SLX4: variants seen among roughly 807,000 people sequenced by gnomAD.
The protein encoded by SLX4 is structure-specific endonuclease subunit SLX4.
Under a neutral mutation model 146.2 loss-of-function variants are expected in SLX4, and 112 were observed. That is an observed-to-expected ratio of 0.77 (90% CI 0.66 to 0.90). SLX4 has a LOEUF of 0.90. Among genes scored for constraint, SLX4 ranks in the 40% least tolerant of loss-of-function variants. The pLI, the probability that SLX4 is intolerant of heterozygous loss-of-function variation, is 0.00. For synonymous variants in SLX4, 1,061 were observed against 997.7 expected (o/e 1.06, Z -1.20); for missense variants, 2,563 against 2,392.7 (o/e 1.07, Z -1.49).
intron 14 of SLX4, 143 bp downstream of exon 14, chr16:3,582,954 C>G: frequency 9.0e-7 from 1 of 1,112,336 alleles, no homozygotes; most frequent in African/African-American, 1.5e-5. Context: ...CCCCCTAAAC[C>G]CACCTGGTTT....
chr16:3,594,403 G>A lies in SLX4; in HGVS notation c.2160+50C>T, dbSNP rs75762935. The A allele has an allele frequency of 0.063, 99,310 of 1,581,086 alleles. 3,330 individuals carry two copies. Among genetic ancestry groups the A allele is most frequent in the Admixed American group, 0.068 (3,717 of 54,612 alleles). On this transcript the variant is annotated intron_variant, in intron 10 of 14. Coordinates refer to ENST00000294008, the MANE Select transcript of SLX4 (RefSeq NM_032444.4). Reference sequence around the variant, plus strand: ...AGACCTGGTTGGAGAAAGGCAGGAGGAGAGAGGGAGAGAGAGGAAAGGAGG... The same window carrying A: ...AGACCTGGTTGGAGAAAGGCAGGAGAAGAGAGGGAGAGAGAGGAAAGGAGG...
chr16:3,603,630 C>T (rs781521798), intron 3 of SLX4, among the ~76,000 whole-genome samples: 5 of 152,196 alleles, frequency 3.3e-5, no homozygotes, highest in African/African-American at 4.8e-5. Flanking sequence ...GTAGGTCTGC[C>T]GATAATGGTT....
chr16:3,610,035 C>T (rs1388572628), intron 1 of SLX4, among the ~76,000 whole-genome samples: 1 of 152,170 alleles, frequency 6.6e-6, no homozygotes, highest in African/African-American at 2.4e-5. Context: ...TCTTCTCAAC[C>T]CAGCAAGGCT....
rs2040822770 is a variant in SLX4, at chr16:3,609,281, G to A, written c.-317C>T. The A allele has an allele frequency of 3.1e-6, 1 of 323,012 alleles. No individual in the cohort carries two copies. The allele number at this position is 323,012 out of a possible 1,614,324, so 20.0% of individuals were successfully genotyped here. A position where few individuals can be genotyped will look rare whatever the true frequency, so the allele number is the denominator to read the frequency against. ...AAATTGGCCAGGCGTGGTAGCAGAT[G>A]CCTGTAATCCCAGCTACTCGGGAGG... On this transcript the variant is annotated 5_prime_UTR_variant, in exon 2 of 15. Transcript: ENST00000294008.
intron 5 of SLX4, among the ~76,000 whole-genome samples, chr16:3,599,606 A>G (rs548278924): frequency 6.6e-6 from 1 of 152,250 alleles, no homozygotes; most frequent in Admixed American, 6.5e-5. Context: ...TGTTTTATGA[A>G]GACAGGTTCT....
intron 5 of SLX4, among the ~76,000 whole-genome samples, chr16:3,599,152 T>G (rs991571701): frequency 6.6e-6 from 1 of 152,214 alleles, no homozygotes. Context: ...ACGTCTATTC[T>G]AAGGCCTCAA....
At position 3,590,016 on chromosome 16, in the gene SLX4, G is replaced by C. The variant is rs752941190; in HGVS notation, c.3622C>G (p.Pro1208Ala). 49 of 1,614,014 alleles carry C rather than the reference G, an allele frequency of 3.0e-5. No individual in the cohort carries two copies. The highest frequency in any genetic ancestry group is 4.0e-5 in the African/African-American group (3 of 74,920). ...TGCTGCAGCACAGCTTCGCTTCTTG[G>C]TGGGCTCTGGGAAGGTTCCTGATCT... ...DADQEPSQSP[P>A]RSEAVLQQED... Residue 1208 changes from proline (P) to alanine (A), a missense_variant, in exon 12 of 15, where the codon CCA (proline) becomes GCA (alanine). Coordinates refer to ENST00000294008, the MANE Select transcript of SLX4 (RefSeq NM_032444.4). This position sits in a 1 kb window ranked among gnomAD's most constrained non-coding sequence, Gnocchi z 4.8.
intron 3 of SLX4, among the ~76,000 whole-genome samples, chr16:3,604,954 C>G (rs1214983204): frequency 7.3e-6 from 1 of 137,426 alleles, no homozygotes; most frequent in African/African-American, 2.8e-5. Context: ...GAGACAGGGT[C>G]TCACTCTGTT....
Position 3,597,944 on chromosome 16 carries a change from G to T in SLX4, c.1219C>A (p.Pro407Thr). The T allele has an allele frequency of 1.2e-6, 2 of 1,614,166 alleles. No individual in the cohort carries two copies. The highest frequency in any genetic ancestry group is 1.7e-6 in the Non-Finnish European group (2 of 1,180,038). The change falls in exon 6 of 15, where the codon CCA becomes ACA. Residue 407 changes from proline to threonine, a missense_variant. Transcript: ENST00000294008. The surrounding 1 kb of genome is among the most constrained non-coding windows in gnomAD (Gnocchi z 4.4). The stretch of plus-strand genomic sequence containing the variant: ...TCGTCCACCTTCCGCCTCTTCCGTG[G>T]CTCCTTCTTGCTGGTGGGTCCTCTC... ...KRRGPTSKKE[P>T]RKRRKVDEAP...
At chr16:3,593,192 C>A (rs1287239336) in intron 10 of SLX4, among the ~76,000 whole-genome samples, 1 of 152,160 alleles carries the variant, frequency 6.6e-6, no homozygotes, top group Non-Finnish European at 1.5e-5. Context: ...CTGCCTCAGC[C>A]TCCCGAGTAG....
chr16:3,608,771 T>C lies in SLX4; in HGVS notation c.194A>G (p.His65Arg), dbSNP rs1003415542. 4 of 1,614,192 alleles carry C rather than the reference T, an allele frequency of 2.5e-6. No homozygotes were observed. The highest frequency in any genetic ancestry group is 3.4e-6 in the Non-Finnish European group (4 of 1,180,044). Residue 65 changes from histidine (H) to arginine (R), a missense_variant, in exon 2 of 15, where the codon CAT becomes CGT. By Grantham distance (29) the His-to-Arg change is conservative. Transcript: ENST00000294008. ...CASFFQRVKKHGIKEVSGERK... is the reference protein window; with the variant it reads ...CASFFQRVKKRGIKEVSGERK... ...TTCTCCTGACACTTCCTTGATTCCA[T>C]GTTTTTTCACCCTTTGGAAAAAGCT...
chr16:3,592,265 G>A (rs1222926408), intron 11 of SLX4, among the ~76,000 whole-genome samples: 1 of 152,270 alleles, frequency 6.6e-6, no homozygotes, highest in Non-Finnish European at 1.5e-5. Flanking sequence ...GATGCTGGCT[G>A]GACAAGCCAG....
In SLX4 at chr16:3,596,198, G is replaced by T; in HGVS notation, c.1879C>A (p.Pro627Thr). The T allele has an allele frequency of 6.4e-7, 1 of 1,550,868 alleles. No individual in the cohort carries two copies. Reference protein sequence around the residue: ...DLAREGLSASPWPGSGGLAGS... With the variant: ...DLAREGLSASTWPGSGGLAGS... ...GCCAGGCCCCCACTGCCGGGCCACG[G>T]GCTGGCGCTCAGTCCCTCCCTCGCC... Residue 627 changes from proline (P) to threonine (T), a missense_variant, in exon 8 of 15, where the codon CCG (proline) becomes ACG (threonine). Coordinates refer to ENST00000294008, the MANE Select transcript of SLX4 (RefSeq NM_032444.4).
rs144938722 is a variant in SLX4, at chr16:3,582,765, AG to A, written c.5154-73del. ...CCCCTGAGACCATGAGCCTCTTTAAAGGAAGGAAGGTGTCTACGGGTCCCAT... is the reference window on the plus strand; with the variant it reads ...CCCCTGAGACCATGAGCCTCTTTAAAGAAGGAAGGTGTCTACGGGTCCCAT... On this transcript the variant is annotated intron_variant, in intron 14 of 14. Coordinates refer to ENST00000294008, the MANE Select transcript of SLX4 (RefSeq NM_032444.4). 8.8e-4 allele frequency: 1,217 copies of A among 1,385,592 alleles called. 14 individuals carry two copies. In the African/African-American group the frequency reaches 0.015, roughly 17 times the overall value. The allele number at this position is 1,385,592 out of a possible 1,614,324, so 85.8% of individuals were successfully genotyped here. A position where few individuals can be genotyped will look rare whatever the true frequency, so the allele number is the denominator to read the frequency against.
chr16:3,601,222 A>G (rs752900251), intron 4 of SLX4, 31 bp from the exon 5 acceptor site: 14 of 1,610,270 alleles, frequency 8.7e-6, no homozygotes, highest in Non-Finnish European at 5.1e-6. Context: ...CAGGAGAACC[A>G]CCCTCCCCAG....
rs764364254 is a variant in SLX4, at chr16:3,599,028, C to T, written c.1164-1029G>A. 6.6e-5 allele frequency among the ~76,000 whole-genome samples: 10 copies of T among 152,332 alleles called. No homozygotes were observed. The South Asian group carries it at 8.3e-4, about 13-fold the overall frequency. On this transcript the variant is annotated intron_variant, in intron 5 of 14. Coordinates refer to ENST00000294008, the MANE Select transcript of SLX4 (RefSeq NM_032444.4). ...TTTTCTACTCTGACAACCTTCTAAA[C>T]GGATCCACATACATCTAGTTTCAGT... is the stretch of plus-strand genomic sequence containing the variant.
intron 14 of SLX4, 35 bp from the exon 15 acceptor site, chr16:3,582,728 C>A: frequency 1.3e-6 from 2 of 1,571,344 alleles, no homozygotes; most frequent in Non-Finnish European, 1.7e-6. Context: ...TGTGCAACCC[C>A]TTTCTCTCCA....
rs752675370 is a variant in SLX4, at chr16:3,592,709, G to C, written c.2317C>G (p.Leu773Val). The C allele has an allele frequency of 8.1e-6, 13 of 1,613,164 alleles. No homozygotes were observed. In the South Asian group the frequency reaches 1.4e-4, roughly 18 times the overall value. The change falls in exon 11 of 15, where the codon CTG becomes GTG. Residue 773 changes from leucine to valine, a missense_variant. Physicochemically the swap from Leu to Val is conservative, Grantham distance 32. Transcript: ENST00000294008. The stretch of plus-strand genomic sequence containing the variant: ...GGGAGCAATCCAGACCTGTGGGCCA[G>C]GGAGCTCAGCTCAGAGCTAAGGCCA... ...PPGLSSELSS[L>V]AHRFGVSELV...
chr16:3,608,045 C>T (rs1371801948), intron 2 of SLX4, among the ~76,000 whole-genome samples: 3 of 152,204 alleles, frequency 2.0e-5, no homozygotes, highest in Admixed American at 6.5e-5. Flanking sequence ...GTCAGCCGGG[C>T]GCAGTGGCTT....
Sources: allele counts gnomAD v4.1 joint callset (sites outside exome capture counted in the v4.1 genomes callset), GRCh38; gene constraint gnomAD v4.1.1; non-coding constraint Gnocchi (gnomAD v3.1); transcripts MANE v1.5; gene names NCBI Gene and HGNC (gene_info 2026-07-23, HGNC 2026-07-21).